IKZF3: variants seen among roughly 807,000 people sequenced by gnomAD.
The protein encoded by IKZF3 is IKAROS family zinc finger 3, also known as zinc finger protein Aiolos.
A neutral mutation model predicts 49.0 loss-of-function variants in IKZF3; 10 were observed. That is an observed-to-expected ratio of 0.20 (90% CI 0.13 to 0.35). The LOEUF is 0.35. IKZF3 is among the 10% of genes least tolerant of loss of function. The pLI is 1.00. For missense variants in IKZF3, 498 were observed against 664.8 expected (o/e 0.75, Z 2.76); for synonymous variants, 209 against 228.2 (o/e 0.92, Z 0.76).
At chr17:39,774,552 C>A (rs1295143309) in intron 7 of IKZF3, among the ~76,000 whole-genome samples, 1 of 152,158 alleles carries the variant, frequency 6.6e-6, no homozygotes, top group African/African-American at 2.4e-5. Flanking sequence ...GTTGACATTA[C>A]TATTTTCTAT....
intron 6 of IKZF3, among the ~76,000 whole-genome samples, chr17:39,783,873 G>C (rs993053966): frequency 6.6e-6 from 1 of 152,134 alleles, no homozygotes; most frequent in Non-Finnish European, 1.5e-5. Flanking sequence ...AGGTTGCGGT[G>C]AGCTGAGATC....
intron 6 of IKZF3, 110 bp from the exon 7 acceptor site, chr17:39,777,877 G>T: frequency 6.7e-7 from 1 of 1,500,402 alleles, no homozygotes; most frequent in Non-Finnish European, 8.8e-7. Flanking sequence ...ACACTCTATT[G>T]TTGTTACCTG....
chr17:39,803,792 C>T (rs2061375442), intron 3 of IKZF3, among the ~76,000 whole-genome samples: 3 of 151,982 alleles, frequency 2.0e-5, no homozygotes, highest in Non-Finnish European at 2.9e-5. Context: ...GGATTACAGG[C>T]GTGAGCCACC....
At chr17:39,856,035 TA>T (rs1344773586) in intron 1 of IKZF3, among the ~76,000 whole-genome samples, 214 of 140,312 alleles carry the variant, frequency 1.5e-3, no homozygotes, top group Admixed American at 2.2e-3. Context: ...ATGTACAATA[TA>T]ACATGTATAT....
chr17:39,808,622 G>C (rs1271718463), intron 3 of IKZF3, among the ~76,000 whole-genome samples: 4 of 152,212 alleles, frequency 2.6e-5, no homozygotes, highest in Admixed American at 1.3e-4. Context: ...GGACTGCAAA[G>C]CAGCAGTGAT....
chr17:39,845,118 T>G (rs1294445516), intron 1 of IKZF3, among the ~76,000 whole-genome samples: 1 of 152,248 alleles, frequency 6.6e-6, no homozygotes, highest in Non-Finnish European at 1.5e-5. Flanking sequence ...TGCCTGTTAT[T>G]GTACTGCCTG....
At chr17:39,811,235 T>TGAAAGAAAGAAAGAAA (rs71152603) in intron 3 of IKZF3, among the ~76,000 whole-genome samples, 16,389 of 141,234 alleles carry the variant, frequency 0.12, 1,180 homozygotes, top group East Asian at 0.19. Context: ...AGACCCTGTC[T>TGAAAGAAAGAAAGAAA]GAAAGAAAGA....
At chr17:39,827,571 G>A (rs2061991544) in intron 3 of IKZF3, among the ~76,000 whole-genome samples, 1 of 152,178 alleles carries the variant, frequency 6.6e-6, no homozygotes, top group Admixed American at 6.5e-5. Flanking sequence ...GCCTCTCAAA[G>A]TGCTGGGATT....
chr17:39,823,949 C>T (rs1050210593), intron 3 of IKZF3, among the ~76,000 whole-genome samples: 1 of 152,222 alleles, frequency 6.6e-6, no homozygotes, highest in African/African-American at 2.4e-5. Context: ...CCCACTGGAA[C>T]ACCGTGTAGT....
chr17:39,795,171 A>G (rs138800889), intron 3 of IKZF3, among the ~76,000 whole-genome samples: 139 of 152,242 alleles, frequency 9.1e-4, no homozygotes, highest in African/African-American at 3.2e-3. Flanking sequence ...CTGGAATTCA[A>G]TACGACACCA....
At chr17:39,771,168 CA>C (rs1316406783) in intron 7 of IKZF3, among the ~76,000 whole-genome samples, 1 of 152,218 alleles carries the variant, frequency 6.6e-6, no homozygotes, top group African/African-American at 2.4e-5. Context: ...CCCATGGCTG[CA>C]CAGCCCCACC....
intron 3 of IKZF3, among the ~76,000 whole-genome samples, chr17:39,814,879 T>C (rs974908330): frequency 1.3e-5 from 2 of 152,196 alleles, no homozygotes; most frequent in Non-Finnish European, 2.9e-5. Context: ...TAATTTATTA[T>C]GGAAGCCCTG....
chr17:39,856,066 A>G (rs2063043025), intron 1 of IKZF3, among the ~76,000 whole-genome samples: 2 of 148,942 alleles, frequency 1.3e-5, no homozygotes, highest in Non-Finnish European at 3.0e-5. Context: ...ACAATATAAC[A>G]TGTATATTGT....
At chr17:39,824,128 C>T (rs780723079) in intron 3 of IKZF3, among the ~76,000 whole-genome samples, 1 of 152,230 alleles carries the variant, frequency 6.6e-6, no homozygotes, top group Non-Finnish European at 1.5e-5. Flanking sequence ...TGCCCAAAGC[C>T]ATGGGAGCCC....
Position 39,850,320 on chromosome 17 carries a change from T to C in IKZF3, c.7+13800A>G, listed in dbSNP as rs553171371. On this transcript the variant is annotated intron_variant, in intron 1 of 7. Coordinates refer to ENST00000346872, the MANE Select transcript of IKZF3 (RefSeq NM_012481.5). ...ATATATAGCATATTATACATGTACA[T>C]ATAATATATAGCATATTATACATGT... 1.2e-4 allele frequency among the ~76,000 whole-genome samples: 17 copies of C among 139,216 alleles called. No homozygotes were observed. In the East Asian group the frequency reaches 3.4e-3, roughly 28 times the overall value. The allele number at this position is 139,216 out of a possible 152,430, so 91.3% of individuals were successfully genotyped here.
intron 6 of IKZF3, among the ~76,000 whole-genome samples, chr17:39,779,500 A>G (rs995082080): frequency 2.0e-5 from 3 of 152,128 alleles, no homozygotes; most frequent in African/African-American, 7.2e-5. Flanking sequence ...TTTCAAAGAG[A>G]TACCAGCTTC....
intron 3 of IKZF3, among the ~76,000 whole-genome samples, chr17:39,824,512 G>A (rs1395023734): frequency 1.3e-5 from 2 of 152,086 alleles, no homozygotes; most frequent in African/African-American, 4.8e-5. Flanking sequence ...GGGGGCCAGG[G>A]CAGAATGATA....
chr17:39,817,665 G>C (rs2061707656), intron 3 of IKZF3, among the ~76,000 whole-genome samples: 1 of 152,030 alleles, frequency 6.6e-6, no homozygotes, highest in African/African-American at 2.4e-5. Flanking sequence ...TTATGCAGTA[G>C]GTATAACTTC....
chr17:39,815,460 C>T (rs2061658294), intron 3 of IKZF3, among the ~76,000 whole-genome samples: 1 of 152,318 alleles, frequency 6.6e-6, no homozygotes, highest in African/African-American at 2.4e-5. Flanking sequence ...AGCCTTGATA[C>T]TCAGAGGTTT....
Sources: allele counts gnomAD v4.1 joint callset (sites outside exome capture counted in the v4.1 genomes callset), GRCh38; gene constraint gnomAD v4.1.1; transcripts MANE v1.5; gene names NCBI Gene and HGNC (gene_info 2026-07-23, HGNC 2026-07-21).